Variants in ATP11C observed in about 807,000 individuals in gnomAD.
The protein encoded by ATP11C is ATPase phospholipid transporting 11C (ATP11C blood group).
ATP11C carries 36 observed loss-of-function variants against 97.4 expected under a neutral mutation model. That is an observed-to-expected ratio of 0.37 (90% CI 0.28 to 0.49). The LOEUF (loss-of-function observed/expected upper bound fraction) is 0.49. Among genes scored for constraint, ATP11C ranks in the 20% least tolerant of loss-of-function variants. The pLI, the probability that ATP11C is intolerant of heterozygous loss-of-function variation, is 0.98. For missense variants in ATP11C, 730 were observed against 824.6 expected (o/e 0.89, Z 1.40); for synonymous variants, 275 against 290.9 (o/e 0.95, Z 0.56).
intron 23 of ATP11C, among the ~76,000 whole-genome samples, chrX:139,751,273 G>C (rs2081809334): frequency 8.9e-6 from 1 of 111,929 alleles, no homozygotes; most frequent in South Asian, 3.7e-4. Flanking sequence ...GGCAGAATGA[G>C]AGGTACACAG....
At chrX:139,818,522 C>T (rs2083336121) in intron 3 of ATP11C, among the ~76,000 whole-genome samples, 1 of 111,815 alleles carries the variant, frequency 8.9e-6, no homozygotes, top group African/African-American at 3.3e-5. Context: ...TCCAGAGGAG[C>T]TCCTTTTCAA....
chrX:139,897,047 G>T (rs1421874305), intron 1 of ATP11C, among the ~76,000 whole-genome samples: 1 of 109,400 alleles, frequency 9.1e-6, no homozygotes, highest in African/African-American at 3.3e-5. Context: ...GGGCAAAATG[G>T]TGACATCACG....
chrX:139,780,520 A>C (rs377168899), intron 18 of ATP11C, among the ~76,000 whole-genome samples: 19 of 111,096 alleles, frequency 1.7e-4, no homozygotes, highest in East Asian at 1.1e-3. Flanking sequence ...TAAAAAAAAA[A>C]AACCCTGAGA....
chrX:139,933,831 C>A (rs750091982), upstream of ATP11C, among the ~76,000 whole-genome samples: 5 of 112,681 alleles, frequency 4.4e-5, no homozygotes, highest in South Asian at 1.8e-3. Context: ...GTACCAGGCA[C>A]TGTGCCAGGG....
chrX:139,878,384 A>C (rs2084510702), intron 1 of ATP11C, among the ~76,000 whole-genome samples: 1 of 112,444 alleles, frequency 8.9e-6, no homozygotes, highest in Non-Finnish European at 1.9e-5. Flanking sequence ...ACACAAAGTT[A>C]GTAAAGCCAA....
intron 1 of ATP11C, among the ~76,000 whole-genome samples, chrX:139,918,176 G>A (rs1388252477): frequency 9.0e-6 from 1 of 111,455 alleles, no homozygotes; most frequent in Non-Finnish European, 1.9e-5. Flanking sequence ...GCACAATCTC[G>A]AAGAGAGATA....
chrX:139,838,113 T>C (rs2083774540), intron 1 of ATP11C, among the ~76,000 whole-genome samples: 1 of 111,948 alleles, frequency 8.9e-6, no homozygotes, highest in Non-Finnish European at 1.9e-5. Context: ...AGAAACTTCT[T>C]TGGATGTGAG....
chrX:139,915,222 C>T (rs2085136461), intron 1 of ATP11C, among the ~76,000 whole-genome samples: 1 of 111,588 alleles, frequency 9.0e-6, no homozygotes, highest in African/African-American at 3.3e-5. Flanking sequence ...AAATGAGACA[C>T]TACTATCATT....
Position 139,763,358 on chromosome X carries a change from C to G in ATP11C, c.2452G>C (p.Ala818Pro). Residue 818 changes from alanine to proline, a missense_variant, in exon 21 of 30, where the codon GCC becomes CCC. Physicochemically the swap from Ala to Pro is conservative, Grantham distance 27. Transcript: ENST00000682941. The stretch of plus-strand genomic sequence containing the variant: ...TCCAAGATCATACTAACATCATTGG[C>G]ACCATCACCTATCGACAGAGTTATT... Reference protein sequence around the residue: ...SPITLSIGDGANDVSMILESH... With the variant: ...SPITLSIGDGPNDVSMILESH... 1.7e-6 allele frequency: 2 copies of G among 1,210,801 alleles called. No homozygotes were observed. Among genetic ancestry groups the G allele is most frequent in the Non-Finnish European group, 2.2e-6 (2 of 894,420 alleles).
At chrX:139,750,304 T>G in intron 23 of ATP11C, 152 bp from the exon 24 acceptor site, 1 of 451,322 alleles carries the variant, frequency 2.2e-6, no homozygotes, top group Non-Finnish European at 3.6e-6. Context: ...ATAAGGTCAC[T>G]GCCTAGTAAC....
chrX:139,916,032 C>T (rs1053149845), intron 1 of ATP11C, among the ~76,000 whole-genome samples: 1 of 110,982 alleles, frequency 9.0e-6, no homozygotes, highest in African/African-American at 3.3e-5. Context: ...AGTTCGAGAC[C>T]AGCCTGCCCA....
intron 23 of ATP11C, among the ~76,000 whole-genome samples, chrX:139,751,478 T>C (rs1365768185): frequency 8.9e-6 from 1 of 112,742 alleles, no homozygotes; most frequent in Non-Finnish European, 1.9e-5. Flanking sequence ...TTCCTTTTTA[T>C]TTTCAAAGGA....
At chrX:139,767,985 T>C (rs1320414310) in intron 20 of ATP11C, among the ~76,000 whole-genome samples, 3 of 110,709 alleles carry the variant, frequency 2.7e-5, no homozygotes, top group Admixed American at 1.9e-4. Context: ...CTAGGAGCAG[T>C]GGCAGCAGGC....
At chrX:139,935,572 C>T (rs1183698574), upstream of ATP11C, among the ~76,000 whole-genome samples, 2 of 110,290 alleles carry the variant, frequency 1.8e-5, no homozygotes, top group East Asian at 5.7e-4. Flanking sequence ...ACTCCATCCC[C>T]ACCCCCCAAA....
At position 139,756,007 on chromosome X, in the gene ATP11C, C is replaced by T. The variant is rs140800924; in HGVS notation, c.2700+1801G>A. On this transcript the variant is annotated intron_variant, in intron 23 of 29. Coordinates refer to ENST00000682941, the MANE Select transcript of ATP11C (RefSeq NM_001353812.2). ...TAATTAAATAAAGAATTTCTGCATACAAGAAGATGACTATCAACAGAGTAA... is the reference window on the plus strand; with the variant it reads ...TAATTAAATAAAGAATTTCTGCATATAAGAAGATGACTATCAACAGAGTAA... Among the ~76,000 whole-genome samples, 715 of 112,039 alleles carry T rather than the reference C, an allele frequency of 6.4e-3. 7 individuals are homozygous for T. Among genetic ancestry groups the T allele is most frequent in the African/African-American group, 0.022 (679 of 30,919 alleles).
At chrX:139,840,760 C>A (rs2083816639) in intron 1 of ATP11C, among the ~76,000 whole-genome samples, 1 of 111,106 alleles carries the variant, frequency 9.0e-6, no homozygotes, top group Non-Finnish European at 1.9e-5. Flanking sequence ...ACTTAATAAT[C>A]ATAAACTGGG....
chrX:139,835,973 G>A (rs1362932872), intron 1 of ATP11C, among the ~76,000 whole-genome samples: 1 of 87,903 alleles, frequency 1.1e-5, no homozygotes, highest in Non-Finnish European at 2.1e-5. Context: ...GTTGCAGTGA[G>A]CTGAGATCGC....
chrX:139,790,120 C>T (rs1379050149), intron 12 of ATP11C, among the ~76,000 whole-genome samples: 1 of 110,811 alleles, frequency 9.0e-6, no homozygotes. Context: ...CACTCTGTCA[C>T]TCAGGCTGGA....
chrX:139,796,507 A>T (rs752890321), intron 11 of ATP11C, 37 bp from the exon 12 acceptor site: 1 of 918,606 alleles, frequency 1.1e-6, no homozygotes, highest in South Asian at 2.2e-5. Flanking sequence ...AATTAGACAT[A>T]CAATTTCATC....
Sources: gnomAD v4.1 joint callset for allele counts (sites outside exome capture counted in the v4.1 genomes callset) on GRCh38, gnomAD v4.1.1 for gene constraint, MANE v1.5 for transcripts, NCBI Gene and HGNC (gene_info 2026-07-23, HGNC 2026-07-21) for gene names.